Variants in KCNT1 observed in about 807,000 individuals in gnomAD.
The protein encoded by KCNT1 is potassium sodium-activated channel subfamily T member 1.
A neutral mutation model predicts 147.8 loss-of-function variants in KCNT1; 78 were observed. The ratio of observed to expected loss-of-function variants is 0.53; its 90% confidence interval spans 0.44 to 0.64. The LOEUF is 0.64. Ranked by LOEUF, KCNT1 falls within the 30% of genes least tolerant of loss-of-function variation. The pLI, the probability that KCNT1 is intolerant of heterozygous loss-of-function variation, is 0.00. For synonymous variants in KCNT1, 867 were observed against 748.8 expected (o/e 1.16, Z -2.58); for missense variants, 1,419 against 1,750.3 (o/e 0.81, Z 3.38).
At chr9:135,766,212 G>T (rs1290466690) in intron 13 of KCNT1, among the ~76,000 whole-genome samples, 1 of 151,938 alleles carries the variant, frequency 6.6e-6, no homozygotes, top group African/African-American at 2.4e-5. Flanking sequence ...GACCATCCAG[G>T]GTGGGTCATC....
intron 2 of KCNT1, among the ~76,000 whole-genome samples, chr9:135,733,174 C>T (rs1216466059): frequency 6.6e-6 from 1 of 151,286 alleles, no homozygotes; most frequent in African/African-American, 2.4e-5. Flanking sequence ...TAGTGCAGCC[C>T]TCATACCTGC....
At chr9:135,769,559 G>A (rs1832599741) in intron 15 of KCNT1, among the ~76,000 whole-genome samples, 1 of 152,328 alleles carries the variant, frequency 6.6e-6, no homozygotes, top group South Asian at 2.1e-4. Context: ...GGGGGCAGGA[G>A]CACCGTCTGA....
chr9:135,769,601 G>C (rs2131502983), intron 15 of KCNT1, among the ~76,000 whole-genome samples: 1 of 152,312 alleles, frequency 6.6e-6, no homozygotes, highest in East Asian at 1.9e-4. Flanking sequence ...ACCATGCCGG[G>C]TGCCCGGGGA....
intron 26 of KCNT1, 51 bp downstream of exon 26, chr9:135,784,669 G>A: frequency 6.2e-7 from 1 of 1,609,724 alleles, no homozygotes; most frequent in Non-Finnish European, 8.5e-7. Context: ...CTGTCCAAGT[G>A]GGTGGATGGG....
intron 1 of KCNT1, among the ~76,000 whole-genome samples, chr9:135,707,989 C>T (rs544180843): frequency 6.6e-6 from 1 of 152,354 alleles, no homozygotes; most frequent in East Asian, 1.9e-4. Flanking sequence ...GCTTGCCTGC[C>T]CAGCTGCCTG....
chr9:135,727,437 C>CCTCT (rs140325657), intron 2 of KCNT1, among the ~76,000 whole-genome samples: 25 of 136,244 alleles, frequency 1.8e-4, no homozygotes, highest in Non-Finnish European at 2.4e-4. Context: ...CCCCCCTCTC[C>CCTCT]CTCTCTCTCT....
chr9:135,773,812 G>A (rs113686894), intron 19 of KCNT1, among the ~76,000 whole-genome samples: 21 of 152,360 alleles, frequency 1.4e-4, no homozygotes, highest in African/African-American at 4.6e-4. Flanking sequence ...ACGGGGTGGT[G>A]GCCTGCTGGG....
In KCNT1 at chr9:135,778,567, T is replaced by G; in HGVS notation, c.2594+72T>G. ...TCCCCTCCTCTTCCAAAGTCTGGGG[T>G]GACCCCGACCGCAGGTGGGGTGGGG... On this transcript the variant is annotated intron_variant, in intron 22 of 30. Coordinates refer to ENST00000371757, the MANE Select transcript of KCNT1 (RefSeq NM_020822.3). 2.5e-6 allele frequency: 4 copies of G among 1,600,736 alleles called. No individual in the cohort carries two copies. The South Asian group carries it at 4.4e-5, about 18-fold the overall frequency.
chr9:135,788,096 G>A (rs1485503831), intron 29 of KCNT1: 1 of 1,604,740 alleles, frequency 6.2e-7, no homozygotes, highest in Admixed American at 1.7e-5. Flanking sequence ...TGTGTGTTCT[G>A]TAGAGGACGT....
intron 15 of KCNT1, among the ~76,000 whole-genome samples, chr9:135,769,640 C>T (rs775157385): frequency 3.9e-4 from 60 of 152,088 alleles, no homozygotes; most frequent in South Asian, 8.3e-4. Context: ...GCCAGGTGCC[C>T]AGGGGACAGG....
chr9:135,717,006 G>T (rs524282), intron 2 of KCNT1, among the ~76,000 whole-genome samples: 147,913 of 151,980 alleles, frequency 0.97, 71,995 homozygotes, highest in East Asian at 1. Flanking sequence ...CCCTGTGGTG[G>T]TGGTGTGCAT....
chr9:135,786,942 C>T (rs371990730), intron 29 of KCNT1, among the ~76,000 whole-genome samples: 58 of 152,334 alleles, frequency 3.8e-4, no homozygotes, highest in Admixed American at 8.5e-4. Flanking sequence ...CTCCCCAAGT[C>T]GAGGGCATCA....
Position 135,786,498 on chromosome 9 carries a change from TG to T in KCNT1, c.3483del (p.Leu1162CysfsTer9). On this transcript the variant is annotated frameshift_variant, in exon 29 of 31. Transcript: ENST00000371757. LOFTEE classifies it high-confidence loss of function. ...SELVKNRMKH[L>X]GLPTTGYDEM... ...CTGGTGAAGAACCGCATGAAGCACC[TG>T]GGGCTGCCCACCACCGGCTACGGTA... is the stretch of plus-strand genomic sequence containing the variant. 6.3e-7 allele frequency: 1 copy of T among 1,598,612 alleles called. No homozygotes were observed. Among genetic ancestry groups the T allele is most frequent in the South Asian group, 1.1e-5 (1 of 89,344 alleles).
Position 135,769,060 on chromosome 9 carries a change from C to T in KCNT1, c.1510+123C>T, listed in dbSNP as rs535081928. On this transcript the variant is annotated intron_variant, in intron 15 of 30. Transcript: ENST00000371757. ...GTGTGACGGTGCGTCTGGGGCAGGACGCGTGTGCACACGTGGGTGACGGTG... is the reference window on the plus strand; with the variant it reads ...GTGTGACGGTGCGTCTGGGGCAGGATGCGTGTGCACACGTGGGTGACGGTG... The T allele has an allele frequency of 2.6e-4, 180 of 704,272 alleles. 1 individual carries two copies. The highest frequency in any genetic ancestry group is 2.3e-3 in the East Asian group (79 of 34,052). The allele number at this position is 704,272 out of a possible 1,614,324, so 43.6% of individuals were successfully genotyped here. A position where few individuals can be genotyped will look rare whatever the true frequency, so the allele number is the denominator to read the frequency against.
intron 10 of KCNT1, among the ~76,000 whole-genome samples, chr9:135,759,036 C>G (rs1448345265): frequency 6.6e-6 from 1 of 152,230 alleles, no homozygotes; most frequent in East Asian, 1.9e-4. Flanking sequence ...AGCACTGTGC[C>G]CTGGGGGAGG....
chr9:135,776,024 G>A (rs914166199), intron 20 of KCNT1, among the ~76,000 whole-genome samples: 1 of 152,102 alleles, frequency 6.6e-6, no homozygotes, highest in Non-Finnish European at 1.5e-5. Flanking sequence ...GTGGGACTCT[G>A]CCTGCATGTG....
rs1362637178 is a variant in KCNT1 at position 135,745,047 on chromosome 9, A to T, written c.255-5051A>T. ...TGGGGGTCGGGACCCGTGGCCGGGGATCCGGGAATGCAGCACCCGCTGCCG... is the reference window on the plus strand; with the variant it reads ...TGGGGGTCGGGACCCGTGGCCGGGGTTCCGGGAATGCAGCACCCGCTGCCG... On this transcript the variant is annotated intron_variant, in intron 2 of 30. Transcript: ENST00000371757. Among the ~76,000 whole-genome samples, 8 of 152,098 alleles carry T rather than the reference A, an allele frequency of 5.3e-5. No homozygotes were observed. The South Asian group carries it at 1.7e-3, about 31-fold the overall frequency.
At chr9:135,732,987 G>A (rs376596551) in intron 2 of KCNT1, among the ~76,000 whole-genome samples, 6 of 151,870 alleles carry the variant, frequency 4.0e-5, no homozygotes, top group African/African-American at 9.7e-5. Context: ...TGAGGATTCC[G>A]GCACTCCCAG....
rs112671096 is a variant in KCNT1, at chr9:135,727,846, T to C, written c.254+13126T>C. 6.9e-3 allele frequency among the ~76,000 whole-genome samples: 1,050 copies of C among 152,338 alleles called. 5 individuals are homozygous for C. The highest frequency in any genetic ancestry group is 0.041 in the Middle Eastern group (12 of 294). The stretch of plus-strand genomic sequence containing the variant: ...GCAGCCGAAGGATGACCATCCTGAC[T>C]GACCGTCCCAATCTGCAGCCTGGGA... On this transcript the variant is annotated intron_variant, in intron 2 of 30. Coordinates refer to ENST00000371757, the MANE Select transcript of KCNT1 (RefSeq NM_020822.3).
Sources: gnomAD v4.1 joint callset for allele counts (sites outside exome capture counted in the v4.1 genomes callset) on GRCh38, gnomAD v4.1.1 for gene constraint, MANE v1.5 for transcripts, NCBI Gene and HGNC (gene_info 2026-07-23, HGNC 2026-07-21) for gene names.